DNAJC3: variants seen among roughly 807,000 people sequenced by gnomAD.
DNAJC3 encodes the protein DnaJ heat shock protein family (Hsp40) member C3.
Under a neutral mutation model 68.6 loss-of-function variants are expected in DNAJC3, and 38 were observed. The ratio of observed to expected loss-of-function variants is 0.55; its 90% CI spans 0.43 to 0.73. The LOEUF is 0.73. DNAJC3 is among the 30% of genes least tolerant of loss of function. DNAJC3 has a pLI of 0.00. For synonymous variants in DNAJC3, 203 were observed against 204.0 expected, an observed-to-expected ratio of 1.00 and a Z score of 0.04; for missense variants, 526 against 591.9, an observed-to-expected ratio of 0.89 and a Z score of 1.16.
At chr13:95,742,319 A>G (rs1882171078) in intron 4 of DNAJC3, among the ~76,000 whole-genome samples, 1 of 152,186 alleles carries the variant, frequency 6.6e-6, no homozygotes, top group Admixed American at 6.5e-5. Context: ...GGTGGGCCCC[A>G]GGGCAGGATG....
chr13:95,697,786 G>GT (rs35414850), intron 1 of DNAJC3, among the ~76,000 whole-genome samples: 2,319 of 112,218 alleles, frequency 0.021, 49 homozygotes, highest in African/African-American at 0.048. Flanking sequence ...CCTTCAAGAA[G>GT]TTTTTTTTTT....
At chr13:95,789,779 TC>T (rs17883864) in intron 11 of DNAJC3, among the ~76,000 whole-genome samples, 52,830 of 152,142 alleles carry the variant, frequency 0.35, 9,674 homozygotes, top group Non-Finnish European at 0.41. Flanking sequence ...GTATAAGCGT[TC>T]CTTTTTCACC....
intron 5 of DNAJC3, among the ~76,000 whole-genome samples, chr13:95,759,230 G>A (rs969625979): frequency 6.6e-6 from 1 of 151,946 alleles, no homozygotes; most frequent in African/African-American, 2.4e-5. Flanking sequence ...GCCCTCTCAC[G>A]GTATTTTTTC....
intron 9 of DNAJC3, among the ~76,000 whole-genome samples, chr13:95,772,587 T>C (rs985982713): frequency 6.6e-6 from 1 of 152,214 alleles, no homozygotes; most frequent in Non-Finnish European, 1.5e-5. Flanking sequence ...GTATCTATTG[T>C]GGTTTTAATG....
chr13:95,705,591 G>A (rs1481133173), intron 1 of DNAJC3, among the ~76,000 whole-genome samples: 2 of 150,828 alleles, frequency 1.3e-5, no homozygotes, highest in Non-Finnish European at 2.9e-5. Flanking sequence ...ATAGTGGCAC[G>A]ATCATAGCTC....
rs114181036 is a variant in DNAJC3, at chr13:95,743,850, C to T, written c.394-13794C>T. 3.6e-3 allele frequency among the ~76,000 whole-genome samples: 544 copies of T among 152,176 alleles called. 3 individuals carry two copies. Among genetic ancestry groups the T allele is most frequent in the African/African-American group, 0.012 (513 of 41,500 alleles). On this transcript the variant is annotated intron_variant, in intron 4 of 11. Coordinates refer to ENST00000602402, the MANE Select transcript of DNAJC3 (RefSeq NM_006260.5). ...CTGGGATTATGGGCCTGAACCACCA[C>T]GCCCGGCTGCCTCCTGCTTATTTAA... is the stretch of plus-strand genomic sequence containing the variant.
At chr13:95,764,373 C>CTATATATATA (rs1354797563) in intron 9 of DNAJC3, among the ~76,000 whole-genome samples, 2 of 128,884 alleles carry the variant, frequency 1.6e-5, no homozygotes, top group African/African-American at 6.7e-5. Context: ...CTCTCTCTCT[C>CTATATATATA]TCTATATATA....
chr13:95,764,675 TATATATATACACAC>T (rs1424193916), intron 9 of DNAJC3, among the ~76,000 whole-genome samples: 8 of 123,394 alleles, frequency 6.5e-5, no homozygotes, highest in African/African-American at 2.9e-4. Flanking sequence ...TATATATATA[TATATATATACACAC>T]ACACACATAT....
chr13:95,760,706 C>T lies in DNAJC3; in HGVS notation c.756C>T (p.Asp252=), dbSNP rs751686824. 1 of 1,610,820 alleles carries T rather than the reference C, an allele frequency of 6.2e-7. No homozygotes were observed. The highest frequency in any genetic ancestry group is 1.3e-5 in the African/African-American group (1 of 74,666). Reference sequence around the variant, plus strand: ...AAGTTCGGGAATGTCTTAAACTTGACCAGGATCATAAAAGGTGTTTTGCAC... The same window carrying T: ...AAGTTCGGGAATGTCTTAAACTTGATCAGGATCATAAAAGGTGTTTTGCAC... ...LSEVRECLKL[D]QDHKRCFAHY... The change falls in exon 7 of 12, where the codon GAC becomes GAT. Residue 252 remains aspartate, a synonymous_variant. Coordinates refer to ENST00000602402, the MANE Select transcript of DNAJC3 (RefSeq NM_006260.5).
chr13:95,686,513 A>G (rs1000983402), intron 1 of DNAJC3, among the ~76,000 whole-genome samples: 16 of 152,314 alleles, frequency 1.1e-4, no homozygotes, highest in African/African-American at 3.4e-4. Context: ...GCCTAGGCCA[A>G]TGTCCAAAAT....
intron 4 of DNAJC3, among the ~76,000 whole-genome samples, chr13:95,739,280 G>A (rs1228379637): frequency 1.3e-5 from 2 of 151,628 alleles, no homozygotes; most frequent in African/African-American, 2.4e-5. Flanking sequence ...TTCAACTTTG[G>A]TGAATCTGAC....
intron 4 of DNAJC3, among the ~76,000 whole-genome samples, chr13:95,731,223 G>T (rs1881699154): frequency 6.6e-6 from 1 of 152,116 alleles, no homozygotes; most frequent in Non-Finnish European, 1.5e-5. Flanking sequence ...CTAAATATAA[G>T]ATCATGTCAT....
chr13:95,730,086 G>A (rs575247337), intron 4 of DNAJC3, among the ~76,000 whole-genome samples: 14 of 152,002 alleles, frequency 9.2e-5, no homozygotes, highest in Non-Finnish European at 2.1e-4. Context: ...CAAATTCCTG[G>A]GCTCAAGTGA....
chr13:95,681,699 A>G (rs998497280), intron 1 of DNAJC3, among the ~76,000 whole-genome samples: 1 of 152,216 alleles, frequency 6.6e-6, no homozygotes, highest in Non-Finnish European at 1.5e-5. Flanking sequence ...GCAAATGCAC[A>G]TTAAATACTG....
chr13:95,719,270 C>T (rs1380683438), intron 2 of DNAJC3, among the ~76,000 whole-genome samples: 1 of 152,226 alleles, frequency 6.6e-6, no homozygotes, highest in African/African-American at 2.4e-5. Context: ...ATGTTTTTGG[C>T]TGCATGGAAG....
intron 2 of DNAJC3, among the ~76,000 whole-genome samples, 164 bp downstream of exon 2, chr13:95,709,501 A>G (rs1370423244): frequency 6.6e-6 from 1 of 152,222 alleles, no homozygotes; most frequent in East Asian, 1.9e-4. Context: ...AAATAAATAT[A>G]TAACACTTAA....
chr13:95,771,749 G>C (rs975178551), intron 9 of DNAJC3, among the ~76,000 whole-genome samples: 1 of 152,054 alleles, frequency 6.6e-6, no homozygotes, highest in South Asian at 2.1e-4. Context: ...TCAAGATATA[G>C]AACATTTTAT....
intron 1 of DNAJC3, 126 bp from the exon 2 acceptor site, chr13:95,709,101 C>CA (rs1483806252): frequency 3.5e-6 from 2 of 577,428 alleles, no homozygotes; most frequent in African/African-American, 3.9e-5. Flanking sequence ...CATCATTTTT[C>CA]AGCTTCTGTG....
intron 4 of DNAJC3, among the ~76,000 whole-genome samples, chr13:95,752,703 GTTCT>G (rs1033036521): frequency 2.5e-4 from 38 of 152,218 alleles, no homozygotes; most frequent in Middle Eastern, 3.4e-3. Context: ...CTTTGAATGG[GTTCT>G]TTATCTTTTA....
Sources: allele counts gnomAD v4.1 joint callset (sites outside exome capture counted in the v4.1 genomes callset), GRCh38; gene constraint gnomAD v4.1.1; transcripts MANE v1.5; gene names NCBI Gene and HGNC (gene_info 2026-07-23, HGNC 2026-07-21).